Variants in FRMD6 observed in about 807,000 individuals in gnomAD.
FRMD6 encodes FERM domain-containing protein 6.
FRMD6 carries 37 observed loss-of-function variants against 73.2 expected under a neutral mutation model. The ratio of observed to expected loss-of-function variants is 0.51; its 90% CI spans 0.39 to 0.66. The LOEUF is 0.66. FRMD6 is among the 30% of genes least tolerant of loss of function. FRMD6 has a pLI of 0.00. For synonymous variants in FRMD6, 273 were observed against 282.2 expected (o/e 0.97, Z 0.33); for missense variants, 714 against 780.5 (o/e 0.91, Z 1.02).
chr14:51,599,058 C>CTTTTTTT (rs59151771), intron 2 of FRMD6, among the ~76,000 whole-genome samples: 19 of 72,820 alleles, frequency 2.6e-4, no homozygotes, highest in African/African-American at 9.3e-4. Context: ...CAGTATCTGT[C>CTTTTTTT]TTTTTTTTTT....
Position 51,708,143 on chromosome 14 carries a change from T to G in FRMD6, c.624T>G (p.Phe208Leu), listed in dbSNP as rs1171066067. 2 of 1,613,264 alleles carry G rather than the reference T, an allele frequency of 1.2e-6. No homozygotes were observed. Among genetic ancestry groups the G allele is most frequent in the Non-Finnish European group, 1.7e-6 (2 of 1,179,538 alleles). The change falls in exon 7 of 14, where the codon TTT (phenylalanine) becomes TTG (leucine). Residue 208 changes from phenylalanine (F) to leucine (L), a missense_variant. Transcript: ENST00000344768. ...KHIPNMHKDQ[F>L]ALTASEAHLK... Reference sequence around the variant, plus strand: ...TTCCAAACATGCACAAAGATCAGTTTGCACTAACAGCTTCCGAAGCTCATC... The same window carrying G: ...TTCCAAACATGCACAAAGATCAGTTGGCACTAACAGCTTCCGAAGCTCATC...
Position 51,508,384 on chromosome 14 carries a change from C to G in FRMD6, c.-210+18964C>G, listed in dbSNP as rs191126229. 1.7e-3 allele frequency among the ~76,000 whole-genome samples: 257 copies of G among 152,316 alleles called. 1 individual carries two copies. The highest frequency in any genetic ancestry group is 5.5e-3 in the African/African-American group (229 of 41,558). ...TTCTGAAGAAAATCTGCTTTGTGAA[C>G]AGGGGAAGAAGCCTCTTTTATACTT... On this transcript the variant is annotated intron_variant, in intron 1 of 14. Transcript: ENST00000356218.
At chr14:51,536,649 T>C (rs1287086990) in intron 1 of FRMD6, among the ~76,000 whole-genome samples, 1 of 151,828 alleles carries the variant, frequency 6.6e-6, no homozygotes, top group African/African-American at 2.4e-5. Flanking sequence ...ACTCCTGACC[T>C]CAAGTGATCT....
chr14:51,474,504 A>G, the FRMD6 span, among the ~76,000 whole-genome samples: 3 of 152,174 alleles, frequency 2.0e-5, no homozygotes, highest in Admixed American at 1.3e-4. Flanking sequence ...AGGAGTTTTC[A>G]GAGGGCACAG....
At chr14:51,589,016 T>A (rs1430826557) in intron 2 of FRMD6, among the ~76,000 whole-genome samples, 1 of 152,220 alleles carries the variant, frequency 6.6e-6, no homozygotes, top group African/African-American at 2.4e-5. Flanking sequence ...CATGGGAACA[T>A]GCAGTTGACC....
intron 1 of FRMD6, among the ~76,000 whole-genome samples, chr14:51,515,569 C>T (rs1316601395): frequency 6.6e-6 from 1 of 152,196 alleles, no homozygotes; most frequent in Non-Finnish European, 1.5e-5. Context: ...GTCACCTGGG[C>T]CTACCTCCTA....
At chr14:51,467,724 C>T in the FRMD6 span, among the ~76,000 whole-genome samples, 1 of 151,128 alleles carries the variant, frequency 6.6e-6, no homozygotes, top group Non-Finnish European at 1.5e-5. Flanking sequence ...CCCCACATCC[C>T]AGACGATGGG....
intron 2 of FRMD6, among the ~76,000 whole-genome samples, chr14:51,580,355 A>C (rs1888651237): frequency 6.6e-6 from 1 of 152,228 alleles, no homozygotes; most frequent in Admixed American, 6.5e-5. Flanking sequence ...ATTTAGTAGC[A>C]GAATTGCAAA....
chr14:51,690,697 A>G (rs1039751894), intron 2 of FRMD6, among the ~76,000 whole-genome samples: 1 of 152,218 alleles, frequency 6.6e-6, no homozygotes, highest in South Asian at 2.1e-4. Flanking sequence ...TAGCTTTTTA[A>G]TATGCATCTT....
rs573598836 is a variant in FRMD6 at position 51,643,968 on chromosome 14, T to C, written c.-146-45723T>C. 3.3e-5 allele frequency among the ~76,000 whole-genome samples: 5 copies of C among 150,888 alleles called. No individual in the cohort carries two copies. In the East Asian group the frequency reaches 5.8e-4, roughly 17 times the overall value. ...TGTATAGTTAAGTATAGTTTCACTT[T>C]AGTTGAATGATTTCTTATTAAGAAA... On this transcript the variant is annotated intron_variant, in intron 2 of 14. Coordinates refer to the FRMD6 transcript ENST00000356218.
chr14:51,401,061 T>C, the FRMD6 span, among the ~76,000 whole-genome samples: 33,259 of 152,194 alleles, frequency 0.22, 4,300 homozygotes, highest in East Asian at 0.51. Flanking sequence ...CAAATTTTTC[T>C]TCAGAAAGGT....
intron 2 of FRMD6, among the ~76,000 whole-genome samples, chr14:51,636,918 C>T (rs931303278): frequency 2.0e-5 from 3 of 152,178 alleles, no homozygotes; most frequent in African/African-American, 4.8e-5. Flanking sequence ...CATTAATAAA[C>T]ATTTTAAGTA....
At chr14:51,427,217 A>G in the FRMD6 span, among the ~76,000 whole-genome samples, 4 of 152,228 alleles carry the variant, frequency 2.6e-5, no homozygotes, top group African/African-American at 9.6e-5. Flanking sequence ...TCCCTAGAGC[A>G]CATTTTCCTC....
intron 2 of FRMD6, among the ~76,000 whole-genome samples, chr14:51,577,173 A>G (rs942970901): frequency 6.6e-6 from 1 of 152,124 alleles, no homozygotes; most frequent in East Asian, 1.9e-4. Flanking sequence ...GCCATGAGCT[A>G]GTCCTTCTCA....
chr14:51,624,189 T>C (rs151333000), intron 2 of FRMD6, among the ~76,000 whole-genome samples: 1 of 152,114 alleles, frequency 6.6e-6, no homozygotes. Context: ...TAAAAATAAT[T>C]AATGGATACT....
At chr14:51,518,082 G>A (rs1884735070) in intron 1 of FRMD6, among the ~76,000 whole-genome samples, 1 of 152,260 alleles carries the variant, frequency 6.6e-6, no homozygotes, top group Non-Finnish European at 1.5e-5. Flanking sequence ...TTTAAATAAC[G>A]TTTGCATAGA....
the FRMD6 span, among the ~76,000 whole-genome samples, chr14:51,432,651 C>A: frequency 2.6e-5 from 4 of 152,180 alleles, no homozygotes; most frequent in East Asian, 7.7e-4. Context: ...TTTTTATTGT[C>A]ACAGGAAACC....
In FRMD6 at chr14:51,727,760, C is replaced by A; in HGVS notation, c.1600C>A (p.Pro534Thr). The A allele has an allele frequency of 6.3e-7, 1 of 1,599,736 alleles. No homozygotes were observed. Among genetic ancestry groups the A allele is most frequent in the Non-Finnish European group, 8.6e-7 (1 of 1,168,146 alleles). Residue 534 changes from proline (P) to threonine (T), a missense_variant, in exon 14 of 14, where the codon CCA becomes ACA. Physicochemically the swap from Pro to Thr is conservative, Grantham distance 38 (BLOSUM62 -1). Transcript: ENST00000344768. Reference protein sequence around the residue: ...DSLPQTICRKPKTSTDRHSLS... With the variant: ...DSLPQTICRKTKTSTDRHSLS... Reference sequence around the variant, plus strand: ...TATCTTGCAGACTATATGTCGGAAACCAAAGACCTCCACTGATCGACACAG... The same window carrying A: ...TATCTTGCAGACTATATGTCGGAAAACAAAGACCTCCACTGATCGACACAG...
At chr14:51,660,316 G>A (rs1054204680) in intron 1 of FRMD6, among the ~76,000 whole-genome samples, 4 of 152,080 alleles carry the variant, frequency 2.6e-5, no homozygotes, top group African/African-American at 4.8e-5. Flanking sequence ...TTGAGCTTTC[G>A]TTTTAGGGTC....
Sources: gnomAD v4.1 joint callset for allele counts (sites outside exome capture counted in the v4.1 genomes callset) on GRCh38, gnomAD v4.1.1 for gene constraint, MANE v1.5 for transcripts, NCBI Gene and HGNC (gene_info 2026-07-23, HGNC 2026-07-21) for gene names.